Variants in GAREM1 observed in about 807,000 individuals in gnomAD.
The protein encoded by GAREM1 is GRB2 associated regulator of MAPK1 subtype 1.
In GAREM1, 26 loss-of-function variants were observed where a neutral mutation model predicts 71.3. The ratio of observed to expected loss-of-function variants is 0.36; its 90% CI spans 0.27 to 0.51. GAREM1 has a LOEUF of 0.51. Among genes scored for constraint, GAREM1 ranks in the 20% least tolerant of loss-of-function variants. GAREM1 has a pLI of 0.95. For missense variants in GAREM1, 1,026 were observed against 1,103.1 expected, an observed-to-expected ratio of 0.93 and a Z score of 0.99; for synonymous variants, 440 against 433.2, an observed-to-expected ratio of 1.02 and a Z score of -0.20.
At chr18:32,397,564 A>G (rs996861015) in intron 1 of GAREM1, among the ~76,000 whole-genome samples, 3 of 152,240 alleles carry the variant, frequency 2.0e-5, no homozygotes, top group African/African-American at 7.2e-5. Context: ...GAAGGCCATT[A>G]CATAATGGTA....
chr18:32,440,322 C>T (rs1313307152), intron 1 of GAREM1, among the ~76,000 whole-genome samples: 1 of 152,012 alleles, frequency 6.6e-6, no homozygotes, highest in Admixed American at 6.6e-5. Context: ...TTTTGGGAAC[C>T]TCTCTATCTC....
At chr18:32,417,021 G>C (rs1380612431) in intron 1 of GAREM1, among the ~76,000 whole-genome samples, 1 of 151,942 alleles carries the variant, frequency 6.6e-6, no homozygotes, top group Non-Finnish European at 1.5e-5. Context: ...CAACTCTATA[G>C]GAAAAAAATC....
rs148671989 is a variant in GAREM1 at position 32,290,507 on chromosome 18, T to C, written c.394-2304A>G. 5.6e-3 allele frequency among the ~76,000 whole-genome samples: 857 copies of C among 152,062 alleles called. 13 individuals carry two copies. Among genetic ancestry groups the C allele is most frequent in the African/African-American group, 0.02 (820 of 41,470 alleles). ...AAAACACAAAAAAATTAGCTGGGCA[T>C]GGTGGCACGTGACTGTAGTCCCAGG... On this transcript the variant is annotated intron_variant, in intron 3 of 5. Coordinates refer to ENST00000269209, the MANE Select transcript of GAREM1 (RefSeq NM_001242409.2).
chr18:32,276,265 C>A (rs1162180592), intron 4 of GAREM1, among the ~76,000 whole-genome samples: 1 of 152,194 alleles, frequency 6.6e-6, no homozygotes, highest in East Asian at 1.9e-4. Flanking sequence ...GTCCTGGGGG[C>A]TGATGGCCGG....
chr18:32,270,003 C>T (rs540669206), intron 5 of GAREM1, among the ~76,000 whole-genome samples: 1 of 152,196 alleles, frequency 6.6e-6, no homozygotes, highest in East Asian at 1.9e-4. Flanking sequence ...ACTGGTGTGG[C>T]ATCTTTTCTT....
intron 1 of GAREM1, among the ~76,000 whole-genome samples, chr18:32,414,065 T>C (rs187383020): frequency 2.2e-3 from 334 of 152,274 alleles, no homozygotes; most frequent in Admixed American, 3.1e-3. Flanking sequence ...TACACACATA[T>C]ACTTTTTTTA....
At chr18:32,400,547 T>A (rs1225851037) in intron 1 of GAREM1, among the ~76,000 whole-genome samples, 1 of 152,196 alleles carries the variant, frequency 6.6e-6, no homozygotes, top group Non-Finnish European at 1.5e-5. Flanking sequence ...AGAAGACATT[T>A]ATGCAGCCAA....
intron 2 of GAREM1, among the ~76,000 whole-genome samples, chr18:32,360,888 C>T (rs772927264): frequency 6.6e-6 from 1 of 152,144 alleles, no homozygotes; most frequent in Non-Finnish European, 1.5e-5. Flanking sequence ...TATTAAACAC[C>T]TGTGCTCAAG....
rs888848404 is a variant in GAREM1, at chr18:32,360,562, T to TG, written c.262+32332dup. Among the ~76,000 whole-genome samples the TG allele has an allele frequency of 4.6e-5, 7 of 151,556 alleles. No homozygotes were observed. The South Asian group carries it at 6.3e-4, about 14-fold the overall frequency. ...AAATGTTGTATCTACAGATCTTTTT[T>TG]GGGGGGGTGGGGAGCATTTTTCCAA... On this transcript the variant is annotated intron_variant, in intron 2 of 5. Coordinates refer to ENST00000269209, the MANE Select transcript of GAREM1 (RefSeq NM_001242409.2).
Position 32,268,524 on chromosome 18 carries a change from T to C in GAREM1, c.1978A>G (p.Thr660Ala), listed in dbSNP as rs2041409878. The C allele has an allele frequency of 1.2e-6, 2 of 1,614,178 alleles. No individual in the cohort carries two copies. Among genetic ancestry groups the C allele is most frequent in the Non-Finnish European group, 1.7e-6 (2 of 1,180,026 alleles). The change falls in exon 6 of 6, where the codon ACA becomes GCA. Residue 660 changes from threonine (T) to alanine (A), a missense_variant. Transcript: ENST00000269209. ...GGTGCTGGGCAGTTTCTCTTTGGTG[T>C]GCCTGGCGTCTTTTGTCTAGGGTAA... ...YSYPRQKTPGTPKRNCPAPFD... is the reference protein window; with the variant it reads ...YSYPRQKTPGAPKRNCPAPFD...
At chr18:32,352,538 G>C (rs1308423142) in intron 2 of GAREM1, among the ~76,000 whole-genome samples, 1 of 152,188 alleles carries the variant, frequency 6.6e-6, no homozygotes, top group African/African-American at 2.4e-5. Flanking sequence ...AGGGCTTGGG[G>C]ATGACAAATG....
chr18:32,393,324 A>C (rs1171258033), intron 1 of GAREM1, among the ~76,000 whole-genome samples: 7 of 152,184 alleles, frequency 4.6e-5, no homozygotes, highest in Admixed American at 2.6e-4. Context: ...AATGATAATA[A>C]AACATTTATT....
chr18:32,384,321 A>G (rs1263414611), intron 2 of GAREM1, among the ~76,000 whole-genome samples: 1 of 152,208 alleles, frequency 6.6e-6, no homozygotes, highest in Non-Finnish European at 1.5e-5. Context: ...CCAGTGAAAG[A>G]TGAACTTTCA....
chr18:32,341,466 T>C (rs1298361280), intron 2 of GAREM1, among the ~76,000 whole-genome samples: 5 of 152,226 alleles, frequency 3.3e-5, no homozygotes, highest in Admixed American at 3.3e-4. Context: ...TACAGCAGCA[T>C]GATTTATAAT....
chr18:32,343,281 C>T (rs890093025), intron 2 of GAREM1, among the ~76,000 whole-genome samples: 11 of 149,374 alleles, frequency 7.4e-5, no homozygotes, highest in South Asian at 2.1e-4. Flanking sequence ...CAAGTAATTC[C>T]GAAAAGCTAA....
rs144352131 is a variant in GAREM1 at position 32,449,415 on chromosome 18, G to A, written c.121+20893C>T. Among the ~76,000 whole-genome samples the A allele has an allele frequency of 2.8e-4, 42 of 152,250 alleles. No individual in the cohort carries two copies. The East Asian group carries it at 6.8e-3, about 25-fold the overall frequency. ...AAAAGCAGAAAGTTAGGCTGGGTGC[G>A]GGGGCTCACGCCTGCAATCCCAGCA... On this transcript the variant is annotated intron_variant, in intron 1 of 5. Coordinates refer to ENST00000269209, the MANE Select transcript of GAREM1 (RefSeq NM_001242409.2).
At chr18:32,383,656 A>C (rs1257586748) in intron 2 of GAREM1, among the ~76,000 whole-genome samples, 1 of 152,182 alleles carries the variant, frequency 6.6e-6, no homozygotes, top group Non-Finnish European at 1.5e-5. Flanking sequence ...TTTCCACCTG[A>C]TGTTAATCAT....
chr18:32,373,803 T>TAGATCTACTGC (rs1268111561), intron 2 of GAREM1, among the ~76,000 whole-genome samples: 7 of 152,296 alleles, frequency 4.6e-5, no homozygotes, highest in Admixed American at 4.6e-4. Flanking sequence ...GCCAATGGTG[T>TAGATCTACTGC]CAATGTACCA....
chr18:32,467,812 G>A (rs1323821258), intron 1 of GAREM1, among the ~76,000 whole-genome samples: 1 of 152,006 alleles, frequency 6.6e-6, no homozygotes, highest in Non-Finnish European at 1.5e-5. Context: ...ACTAAAACTG[G>A]GGAAAAGGCA....
Sources: gnomAD v4.1 joint callset for allele counts (sites outside exome capture counted in the v4.1 genomes callset) on GRCh38, gnomAD v4.1.1 for gene constraint, MANE v1.5 for transcripts, NCBI Gene and HGNC (gene_info 2026-07-23, HGNC 2026-07-21) for gene names.